Variants in ZNF18 observed in about 807,000 individuals in gnomAD.
ZNF18 encodes the protein zinc finger protein 18.
ZNF18 carries 42 observed loss-of-function variants against 58.1 expected under a neutral mutation model. The ratio of observed to expected loss-of-function variants is 0.72; its 90% CI spans 0.56 to 0.93. The LOEUF is 0.93. Among genes scored for constraint, ZNF18 ranks in the 40% least tolerant of loss-of-function variants. The probability of loss-of-function intolerance (pLI) is 0.00; values close to 1 mark genes in which losing one functional copy is unlikely to be tolerated. For missense variants in ZNF18, 540 were observed against 644.2 expected, an observed-to-expected ratio of 0.84 and a Z score of 1.75; for synonymous variants, 231 against 239.8, an observed-to-expected ratio of 0.96 and a Z score of 0.34.
intron 2 of ZNF18, among the ~76,000 whole-genome samples, chr17:11,991,535 G>C (rs1404678719): frequency 1.3e-5 from 2 of 152,202 alleles, no homozygotes; most frequent in Admixed American, 6.5e-5. Flanking sequence ...GAGAGTCAGA[G>C]AGTGTTAGAA....
At chr17:12,020,906 G>T in the ZNF18 span, 1 of 1,197,386 alleles carries the variant, frequency 8.4e-7, no homozygotes, top group Non-Finnish European at 1.0e-6. Flanking sequence ...CCGAGCCCGA[G>T]CGGCGGCGGC....
chr17:12,009,946 T>C, the ZNF18 span, among the ~76,000 whole-genome samples: 2 of 152,318 alleles, frequency 1.3e-5, no homozygotes, highest in South Asian at 2.1e-4. Flanking sequence ...GGCTTATCTA[T>C]GTAATATTAG....
At chr17:12,007,270 C>T in the ZNF18 span, among the ~76,000 whole-genome samples, 1 of 152,146 alleles carries the variant, frequency 6.6e-6, no homozygotes, top group African/African-American at 2.4e-5. Flanking sequence ...CCTTCAGATG[C>T]AGATTTGGGA....
At chr17:11,990,407 T>G in intron 4 of ZNF18, 55 bp downstream of exon 4, 151 of 1,453,308 alleles carry the variant, frequency 1.0e-4, no homozygotes, top group Non-Finnish European at 1.4e-4. Context: ...AGCAGGAGGA[T>G]GAGATTATAA....
At chr17:12,014,239 G>T in the ZNF18 span, among the ~76,000 whole-genome samples, 2 of 152,124 alleles carry the variant, frequency 1.3e-5, no homozygotes, top group Non-Finnish European at 2.9e-5. Context: ...TTCCTCAAAT[G>T]GTTAAACATA....
chr17:11,980,669 T>C (rs2151469095), intron 6 of ZNF18, among the ~76,000 whole-genome samples: 1 of 152,240 alleles, frequency 6.6e-6, no homozygotes, highest in East Asian at 1.9e-4. Context: ...TCCCCCCGCC[T>C]CAGCCTCCCA....
chr17:12,020,822 G>T, the ZNF18 span: 5 of 730,550 alleles, frequency 6.8e-6, no homozygotes, highest in South Asian at 7.0e-5. Flanking sequence ...CCCCTCGGCC[G>T]TGCGAGAGGC....
chr17:12,005,464 T>C, the ZNF18 span, among the ~76,000 whole-genome samples: 2 of 152,334 alleles, frequency 1.3e-5, no homozygotes, highest in African/African-American at 4.8e-5. Context: ...TCAGTGACTA[T>C]GGAAATTAGT....
the ZNF18 span, among the ~76,000 whole-genome samples, chr17:12,016,614 G>C: frequency 6.6e-6 from 1 of 152,000 alleles, no homozygotes; most frequent in Non-Finnish European, 1.5e-5. Context: ...ACAGGCATGA[G>C]CCACTGTGCC....
the ZNF18 span, among the ~76,000 whole-genome samples, chr17:12,014,420 T>C: frequency 3.9e-5 from 6 of 152,174 alleles, no homozygotes; most frequent in Non-Finnish European, 8.8e-5. Flanking sequence ...AAACAAAATG[T>C]GATATATCCA....
At chr17:11,980,585 T>C (rs1458273028) in intron 6 of ZNF18, among the ~76,000 whole-genome samples, 1 of 152,080 alleles carries the variant, frequency 6.6e-6, no homozygotes, top group African/African-American at 2.4e-5. Context: ...TATGCCCAGC[T>C]AATTTTTGTA....
chr17:12,001,899 A>C (rs1189048825), upstream of ZNF18, among the ~76,000 whole-genome samples: 1 of 152,110 alleles, frequency 6.6e-6, no homozygotes, highest in Non-Finnish European at 1.5e-5. Context: ...AAGCACATGC[A>C]CTCCAAAATT....
rs539778272 is a variant in ZNF18, at chr17:11,977,749, G to A, written c.*208C>T. 1 of 540,098 alleles carries A rather than the reference G, an allele frequency of 1.9e-6. No individual in the cohort carries two copies. Among genetic ancestry groups the A allele is most frequent in the African/African-American group, 1.9e-5 (1 of 52,696 alleles). 33.5% of individuals were successfully genotyped at this position (540,098 alleles called of 1,614,324 possible). A position where few individuals can be genotyped will look rare whatever the true frequency, so the allele number is the denominator to read the frequency against. Reference sequence around the variant, plus strand: ...AAACATGAAGACTATTCTTTCTCCTGAGGCAGAATCAAGAATTTAAGCCAT... The same window carrying A: ...AAACATGAAGACTATTCTTTCTCCTAAGGCAGAATCAAGAATTTAAGCCAT... On this transcript the variant is annotated 3_prime_UTR_variant, in exon 7 of 7. Coordinates refer to ENST00000580306, the MANE Select transcript of ZNF18 (RefSeq NM_001303281.2).
chr17:11,983,440 T>TG (rs1262660972), intron 5 of ZNF18, 33 bp from the exon 6 acceptor site: 2 of 1,545,252 alleles, frequency 1.3e-6, no homozygotes, highest in Non-Finnish European at 1.8e-6. Context: ...TGGGCCTGGA[T>TG]GAATAGGGAA....
intron 6 of ZNF18, among the ~76,000 whole-genome samples, chr17:11,981,846 A>G (rs1967379829): frequency 6.6e-6 from 1 of 152,178 alleles, no homozygotes; most frequent in African/African-American, 2.4e-5. Flanking sequence ...TTTTCTGACT[A>G]CAACCCACTA....
chr17:12,021,276 G>A, the ZNF18 span: 1 of 236,914 alleles, frequency 4.2e-6, no homozygotes, highest in Non-Finnish European at 8.1e-6. Flanking sequence ...GGGCCCACCT[G>A]GTCCGGGACC....
chr17:12,011,501 T>C, the ZNF18 span, among the ~76,000 whole-genome samples: 1 of 151,734 alleles, frequency 6.6e-6, no homozygotes, highest in Admixed American at 6.6e-5. Flanking sequence ...TTCTCTTGCC[T>C]CAGCCTCCCA....
intron 4 of ZNF18, among the ~76,000 whole-genome samples, chr17:11,989,271 G>C (rs1394643450): frequency 6.6e-6 from 1 of 152,116 alleles, no homozygotes; most frequent in Non-Finnish European, 1.5e-5. Flanking sequence ...GCTGCAGTGA[G>C]CTATGACTGC....
chr17:12,012,159 T>C, the ZNF18 span, among the ~76,000 whole-genome samples: 1 of 152,240 alleles, frequency 6.6e-6, no homozygotes, highest in African/African-American at 2.4e-5. Flanking sequence ...ATTTTCAGTA[T>C]CTTTCCAAAT....
Sources: allele counts gnomAD v4.1 joint callset (sites outside exome capture counted in the v4.1 genomes callset), GRCh38; gene constraint gnomAD v4.1.1; transcripts MANE v1.5; gene names NCBI Gene and HGNC (gene_info 2026-07-23, HGNC 2026-07-21).